XRCC4: variants seen among roughly 807,000 people sequenced by gnomAD.
XRCC4 encodes DNA repair protein XRCC4.
In XRCC4, 28 loss-of-function variants were observed where a neutral mutation model predicts 39.1. The observed-to-expected ratio is 0.72, with a 90% CI of 0.53 to 0.98. The LOEUF (loss-of-function observed/expected upper bound fraction) is 0.98. XRCC4 is among the 50% of genes least tolerant of loss of function. XRCC4 has a pLI of 0.00. For synonymous variants in XRCC4, 123 were observed against 126.4 expected, an observed-to-expected ratio of 0.97 and a Z score of 0.18; for missense variants, 350 against 376.4, an observed-to-expected ratio of 0.93 and a Z score of 0.58.
At chr5:83,105,403 G>C (rs1746150664) in intron 2 of XRCC4, among the ~76,000 whole-genome samples, 1 of 152,146 alleles carries the variant, frequency 6.6e-6, no homozygotes, top group Non-Finnish European at 1.5e-5. Context: ...GAAGGAGATT[G>C]GTTAGGTAAA....
At chr5:83,261,063 A>G (rs184810054) in intron 7 of XRCC4, among the ~76,000 whole-genome samples, 27 of 152,028 alleles carry the variant, frequency 1.8e-4, no homozygotes, top group African/African-American at 6.0e-4. Context: ...TTTTTATACT[A>G]TAGGATTTTT....
chr5:83,157,084 C>T (rs1448477050), intron 3 of XRCC4, among the ~76,000 whole-genome samples: 10 of 152,004 alleles, frequency 6.6e-5, no homozygotes, highest in African/African-American at 2.4e-5. Flanking sequence ...GTACAAAGAA[C>T]GTGAGGATTA....
intron 4 of XRCC4, chr5:83,201,279 C>T (rs2112720104): frequency 6.6e-6 from 1 of 152,342 alleles, no homozygotes; most frequent in South Asian, 2.1e-4. Flanking sequence ...TTTGTAAGTA[C>T]TGGCAGTGGC....
intron 3 of XRCC4, among the ~76,000 whole-genome samples, chr5:83,184,367 T>A (rs1750340290): frequency 6.6e-6 from 1 of 152,122 alleles, no homozygotes; most frequent in South Asian, 2.1e-4. Flanking sequence ...TAATGCCTTT[T>A]AACCAATCAT....
chr5:83,127,926 G>A (rs1165965050), intron 3 of XRCC4, among the ~76,000 whole-genome samples: 2 of 147,916 alleles, frequency 1.4e-5, no homozygotes, highest in African/African-American at 5.0e-5. Context: ...TCTGCCTTCT[G>A]GCTAGTTTTG....
chr5:83,366,437 A>T, the XRCC4 span, among the ~76,000 whole-genome samples: 1 of 152,342 alleles, frequency 6.6e-6, no homozygotes, highest in Non-Finnish European at 1.5e-5. Flanking sequence ...ACTTGAGCTA[A>T]AACAAGTTAG....
At chr5:83,187,068 C>T (rs538587305) in intron 3 of XRCC4, among the ~76,000 whole-genome samples, 1 of 105,924 alleles carries the variant, frequency 9.4e-6, no homozygotes, top group South Asian at 3.5e-4. Flanking sequence ...CTCAGCCTCC[C>T]GAGTAGCCGG....
At chr5:83,156,400 A>G (rs781421749) in intron 3 of XRCC4, among the ~76,000 whole-genome samples, 1 of 152,048 alleles carries the variant, frequency 6.6e-6, no homozygotes, top group Non-Finnish European at 1.5e-5. Context: ...AGATATGGAT[A>G]TAATGAGTTT....
chr5:83,361,068 C>T, the XRCC4 span, among the ~76,000 whole-genome samples: 98 of 152,238 alleles, frequency 6.4e-4, no homozygotes, highest in African/African-American at 2.0e-3. Flanking sequence ...ATGCTTCTGA[C>T]AGCTATTGAC....
the XRCC4 span, among the ~76,000 whole-genome samples, chr5:83,366,022 C>T: frequency 1.3e-5 from 2 of 152,146 alleles, no homozygotes; most frequent in Non-Finnish European, 2.9e-5. Flanking sequence ...CCCTAGTAAC[C>T]ACTGGTGATA....
At chr5:83,292,785 T>G (rs1398609926) in intron 7 of XRCC4, among the ~76,000 whole-genome samples, 1 of 151,888 alleles carries the variant, frequency 6.6e-6, no homozygotes, top group East Asian at 1.9e-4. Context: ...ACTAAATGAT[T>G]TTTTATAAAT....
At chr5:83,078,804 G>A (rs1744802004) in intron 1 of XRCC4, among the ~76,000 whole-genome samples, 2 of 152,188 alleles carry the variant, frequency 1.3e-5, no homozygotes, top group South Asian at 4.1e-4. Context: ...GGTTGGGGGA[G>A]AGGGGAATAA....
intron 7 of XRCC4, among the ~76,000 whole-genome samples, chr5:83,262,126 A>G (rs1753774279): frequency 6.6e-6 from 1 of 152,158 alleles, no homozygotes; most frequent in Admixed American, 6.6e-5. Flanking sequence ...GTTATCTCTC[A>G]TTTAAATCTC....
chr5:83,262,256 G>C (rs1036744901), intron 7 of XRCC4, among the ~76,000 whole-genome samples: 1 of 152,158 alleles, frequency 6.6e-6, no homozygotes, highest in African/African-American at 2.4e-5. Context: ...TCCAGAGTTT[G>C]TGCCTGGTTA....
intron 3 of XRCC4, among the ~76,000 whole-genome samples, chr5:83,190,998 A>G (rs1034780189): frequency 6.6e-6 from 1 of 152,176 alleles, no homozygotes; most frequent in Non-Finnish European, 1.5e-5. Context: ...TAGTTTCTTA[A>G]TGAGGATTAT....
chr5:83,237,251 C>T (rs1458845507), intron 6 of XRCC4, among the ~76,000 whole-genome samples: 3 of 152,024 alleles, frequency 2.0e-5, no homozygotes, highest in South Asian at 2.1e-4. Context: ...CAAAGTGATA[C>T]CTTTATTCTC....
the XRCC4 span, among the ~76,000 whole-genome samples, chr5:83,373,741 C>T: frequency 3.9e-5 from 6 of 152,154 alleles, no homozygotes; most frequent in Non-Finnish European, 7.4e-5. Context: ...AATGTCTACA[C>T]CTCACTTTTG....
At chr5:83,292,324 A>G (rs78084365) in intron 7 of XRCC4, among the ~76,000 whole-genome samples, 2,372 of 151,978 alleles carry the variant, frequency 0.016, 64 homozygotes, top group African/African-American at 0.053. Context: ...GAATTTTGGA[A>G]AACAATGGCC....
chr5:83,148,543 T>C (rs1446169523), intron 3 of XRCC4, among the ~76,000 whole-genome samples: 1 of 152,188 alleles, frequency 6.6e-6, no homozygotes, highest in East Asian at 1.9e-4. Flanking sequence ...CTCACTAGAA[T>C]ACATGATGTA....
Sources: gnomAD v4.1 joint callset for allele counts (sites outside exome capture counted in the v4.1 genomes callset) on GRCh38, gnomAD v4.1.1 for gene constraint, MANE v1.5 for transcripts, NCBI Gene and HGNC (gene_info 2026-07-23, HGNC 2026-07-21) for gene names.